Variants in EVA1A observed in about 807,000 individuals in gnomAD.
The protein encoded by EVA1A is eva-1 homolog A, regulator of programmed cell death, also known as protein eva-1 homolog A.
In EVA1A, 7 loss-of-function variants were observed where a neutral mutation model predicts 9.8. That is an observed-to-expected ratio of 0.71 (90% CI 0.41 to 1.34). EVA1A has a LOEUF of 1.34. Ranked by LOEUF, EVA1A falls within the 40% of genes most tolerant of loss-of-function variation. The pLI is 0.01. For synonymous variants in EVA1A, 90 were observed against 85.6 expected, an observed-to-expected ratio of 1.05 and a Z score of -0.28; for missense variants, 206 against 205.9, an observed-to-expected ratio of 1.00 and a Z score of 0.00.
At chr2:75,502,630 G>T (rs923816428) in intron 3 of EVA1A, among the ~76,000 whole-genome samples, 3 of 152,238 alleles carry the variant, frequency 2.0e-5, no homozygotes, top group Non-Finnish European at 2.9e-5. Context: ...AAGAGGGAAA[G>T]AGGGAGGAAG....
chr2:75,527,418 TC>T (rs1338755433), intron 1 of EVA1A, among the ~76,000 whole-genome samples: 1 of 151,844 alleles, frequency 6.6e-6, no homozygotes, highest in Non-Finnish European at 1.5e-5. Flanking sequence ...TAGATCCTCC[TC>T]CCCCTCCCCC....
At chr2:75,562,506 G>A (rs1012903116), upstream of EVA1A, among the ~76,000 whole-genome samples, 6 of 152,222 alleles carry the variant, frequency 3.9e-5, no homozygotes, top group South Asian at 4.1e-4. Flanking sequence ...TCATGCAGAG[G>A]CAACTGGTCT....
At chr2:75,516,530 T>C (rs1675011512) in intron 3 of EVA1A, among the ~76,000 whole-genome samples, 1 of 152,192 alleles carries the variant, frequency 6.6e-6, no homozygotes, top group African/African-American at 2.4e-5. Flanking sequence ...CTTGACAAGA[T>C]CACAAGACAC....
At chr2:75,509,068 A>T (rs1346489698) in intron 3 of EVA1A, among the ~76,000 whole-genome samples, 1 of 152,158 alleles carries the variant, frequency 6.6e-6, no homozygotes. Flanking sequence ...CTGTTTCCCT[A>T]GCTGTGATGC....
chr2:75,535,155 G>A (rs1407674417), intron 1 of EVA1A, among the ~76,000 whole-genome samples: 1 of 151,838 alleles, frequency 6.6e-6, no homozygotes, highest in Admixed American at 6.6e-5. Flanking sequence ...ATATACAAAT[G>A]GCCAACAAAT....
chr2:75,531,517 G>A (rs911970405), intron 1 of EVA1A, among the ~76,000 whole-genome samples: 1 of 146,644 alleles, frequency 6.8e-6, no homozygotes, highest in Non-Finnish European at 1.5e-5. Context: ...ATCAATGAGT[G>A]GATAAATAAT....
At chr2:75,560,100 C>T (rs1425649305) in intron 1 of EVA1A, among the ~76,000 whole-genome samples, 2 of 152,168 alleles carry the variant, frequency 1.3e-5, no homozygotes, top group African/African-American at 4.8e-5. Context: ...CGTGGACTGT[C>T]TGCGCGCCCC....
intron 1 of EVA1A, among the ~76,000 whole-genome samples, chr2:75,526,967 C>A (rs1021362524): frequency 1.3e-5 from 2 of 152,090 alleles, no homozygotes; most frequent in African/African-American, 4.8e-5. Context: ...AAGGATAATG[C>A]ACACTAAGAA....
chr2:75,555,409 C>A, intron 1 of EVA1A, among the ~76,000 whole-genome samples: 1 of 148,728 alleles, frequency 6.7e-6, no homozygotes, highest in East Asian at 2.0e-4. Flanking sequence ...AATTGCTTAG[C>A]AATTCATACA....
At chr2:75,550,254 T>C (rs1471813264) in intron 1 of EVA1A, among the ~76,000 whole-genome samples, 11 of 152,328 alleles carry the variant, frequency 7.2e-5, no homozygotes, top group Non-Finnish European at 1.6e-4. Context: ...AATCTTATAA[T>C]GGACCTTTCA....
intron 3 of EVA1A, among the ~76,000 whole-genome samples, chr2:75,496,233 G>A (rs1319975036): frequency 6.6e-6 from 1 of 152,116 alleles, no homozygotes; most frequent in Admixed American, 6.5e-5. Flanking sequence ...TAGCAAGAGA[G>A]GAAGTCAAAC....
Position 75,513,573 on chromosome 2 carries a change from A to T in EVA1A, c.85+4483T>A, listed in dbSNP as rs149057004. Among the ~76,000 whole-genome samples the T allele has an allele frequency of 3.5e-4, 53 of 152,328 alleles. 1 individual carries two copies. In the East Asian group the frequency reaches 0.01, roughly 29 times the overall value. ...GGAAGTGAAATCAGTATCTTTAGAG[A>T]TATCTGCACTCCATACTCATTGTAG... On this transcript the variant is annotated intron_variant, in intron 3 of 3. Transcript: ENST00000393913.
At chr2:75,569,281 T>A (rs1056535916) in intron 1 of EVA1A, among the ~76,000 whole-genome samples, 2 of 152,176 alleles carry the variant, frequency 1.3e-5, no homozygotes, top group African/African-American at 4.8e-5. Context: ...TTAATCCCCT[T>A]CAATCCTCAG....
chr2:75,542,349 A>G (rs1676157251), intron 1 of EVA1A: 1 of 152,154 alleles, frequency 6.6e-6, no homozygotes. Flanking sequence ...ATCTGTTCCA[A>G]AATTGCCAAA....
chr2:75,565,616 T>C (rs1677011844), upstream of EVA1A, among the ~76,000 whole-genome samples: 1 of 152,204 alleles, frequency 6.6e-6, no homozygotes, highest in African/African-American at 2.4e-5. Flanking sequence ...ATCCTTGCCT[T>C]CTTCCACTAT....
At chr2:75,550,887 G>A (rs765082125) in intron 1 of EVA1A, among the ~76,000 whole-genome samples, 3 of 152,214 alleles carry the variant, frequency 2.0e-5, no homozygotes, top group Admixed American at 6.5e-5. Context: ...ACTTTGGGAG[G>A]CCAAGGAGGG....
At chr2:75,534,951 A>C (rs934329209) in intron 1 of EVA1A, among the ~76,000 whole-genome samples, 3 of 152,132 alleles carry the variant, frequency 2.0e-5, no homozygotes, top group African/African-American at 7.2e-5. Context: ...GATCCAGTTT[A>C]ATTCTTCTAC....
At chr2:75,562,271 G>A (rs939843445), upstream of EVA1A, among the ~76,000 whole-genome samples, 1 of 152,132 alleles carries the variant, frequency 6.6e-6, no homozygotes, top group African/African-American at 2.4e-5. Context: ...AAACCAATAG[G>A]TGGCCCCAGC....
At chr2:75,545,704 T>A (rs1558689869) in intron 1 of EVA1A, among the ~76,000 whole-genome samples, 1 of 152,102 alleles carries the variant, frequency 6.6e-6, no homozygotes, top group Non-Finnish European at 1.5e-5. Flanking sequence ...AATCATTCAT[T>A]CACTCATTAA....
Sources: gnomAD v4.1 joint callset for allele counts (sites outside exome capture counted in the v4.1 genomes callset) on GRCh38, gnomAD v4.1.1 for gene constraint, MANE v1.5 for transcripts, NCBI Gene and HGNC (gene_info 2026-07-23, HGNC 2026-07-21) for gene names.